Variants in ANKRD44 observed in about 807,000 individuals in gnomAD.
ANKRD44 encodes serine/threonine-protein phosphatase 6 regulatory ankyrin repeat subunit B.
Under a neutral mutation model 116.0 loss-of-function variants are expected in ANKRD44, and 35 were observed. That is an observed-to-expected ratio of 0.30 (90% CI 0.23 to 0.40). The LOEUF (loss-of-function observed/expected upper bound fraction) is 0.40. Among genes scored for constraint, ANKRD44 ranks in the 10% least tolerant of loss-of-function variants. ANKRD44 has a pLI of 1.00. For synonymous variants in ANKRD44, 435 were observed against 461.8 expected (o/e 0.94, Z 0.74); for missense variants, 1,014 against 1,242.6 (o/e 0.82, Z 2.77).
chr2:196,987,894 T>TA lies in ANKRD44; in HGVS notation c.*1696dup. ...AACATAATTTTATTTCTAAGAGATG[T>TA]AATTAAAATACAGAAATGATAGTTT... On this transcript the variant is annotated 3_prime_UTR_variant, in exon 28 of 28. Coordinates refer to ENST00000282272, the MANE Select transcript of ANKRD44 (RefSeq NM_001195144.2). The TA allele has an allele frequency of 3.1e-6, 3 of 982,774 alleles. No individual in the cohort carries two copies. Among genetic ancestry groups the TA allele is most frequent in the Non-Finnish European group, 3.6e-6 (3 of 827,538 alleles). 60.9% of individuals were successfully genotyped at this position (982,774 alleles called of 1,614,324 possible).
intron 1 of ANKRD44, among the ~76,000 whole-genome samples, chr2:197,281,554 G>A (rs116162142): frequency 1.4e-3 from 213 of 152,186 alleles, no homozygotes; most frequent in African/African-American, 4.9e-3. Flanking sequence ...TCCTTTTTGG[G>A]CCTGGTAATT....
At chr2:196,991,038 T>G (rs2075906115) in intron 27 of ANKRD44, 1 of 995,898 alleles carries the variant, frequency 1.0e-6, no homozygotes, top group Admixed American at 4.3e-5. Context: ...TATGTTGAGT[T>G]AGAAATCATG....
In ANKRD44 at chr2:197,036,596, T is replaced by G. The variant is rs938294754; in HGVS notation, c.1651-11329A>C. The stretch of plus-strand genomic sequence containing the variant: ...AGGAGGGTGCTACTGAAAGCTTAGC[T>G]ACATTAAGTTTCCGTTTCTTCTTGG... On this transcript the variant is annotated intron_variant, in intron 16 of 27. Transcript: ENST00000282272. Among the ~76,000 whole-genome samples, 7 of 152,308 alleles carry G rather than the reference T, an allele frequency of 4.6e-5. No homozygotes were observed. The Middle Eastern group carries it at 0.01, about 222-fold the overall frequency.
At chr2:197,087,478 G>A (rs1233765680) in intron 12 of ANKRD44, among the ~76,000 whole-genome samples, 1 of 152,168 alleles carries the variant, frequency 6.6e-6, no homozygotes, top group Non-Finnish European at 1.5e-5. Flanking sequence ...GTCACTTTCT[G>A]TACAGGTCTG....
intron 27 of ANKRD44, chr2:196,992,590 A>G (rs981629542): frequency 1.3e-5 from 2 of 152,618 alleles, no homozygotes; most frequent in African/African-American, 4.8e-5. Flanking sequence ...CTAAGTCTAC[A>G]GTAGTGTTAA....
intron 1 of ANKRD44, among the ~76,000 whole-genome samples, chr2:197,282,344 T>A (rs549188755): frequency 2.0e-4 from 30 of 152,172 alleles, no homozygotes; most frequent in African/African-American, 7.0e-4. Context: ...GGAGAAAGAT[T>A]AAAAGGCTTG....
At chr2:197,112,197 A>C (rs1269512482) in intron 8 of ANKRD44, among the ~76,000 whole-genome samples, 1 of 152,206 alleles carries the variant, frequency 6.6e-6, no homozygotes, top group African/African-American at 2.4e-5. Context: ...TGTAACACTT[A>C]TTTTTATAAG....
intron 17 of ANKRD44, 148 bp from the exon 18 acceptor site, chr2:197,013,860 T>A (rs7584406): frequency 0.88 from 623,670 of 706,480 alleles, 278,133 homozygotes; most frequent in East Asian, 0.97. Flanking sequence ...TTATTAAAAC[T>A]CAGGCAAGCT....
intron 1 of ANKRD44, among the ~76,000 whole-genome samples, chr2:197,236,213 TCTC>T (rs1032128705): frequency 5.9e-5 from 9 of 152,150 alleles, no homozygotes; most frequent in South Asian, 2.1e-4. Flanking sequence ...TGAAAGCACT[TCTC>T]CTCTCCTGCA....
chr2:197,020,277 A>G (rs1195761234), intron 17 of ANKRD44, among the ~76,000 whole-genome samples: 1 of 152,176 alleles, frequency 6.6e-6, no homozygotes, highest in African/African-American at 2.4e-5. Flanking sequence ...ACCTAATACT[A>G]AAATCAAATG....
At chr2:196,979,519 A>T (rs2075784629) in intron 21 of ANKRD44, among the ~76,000 whole-genome samples, 1 of 148,768 alleles carries the variant, frequency 6.7e-6, no homozygotes, top group Non-Finnish European at 1.5e-5. Context: ...TATTCACCCC[A>T]ATTAAAAAGC....
In ANKRD44 at chr2:197,083,495, T is replaced by C. The variant is rs1307202694; in HGVS notation, c.1331A>G (p.Tyr444Cys). The C allele has an allele frequency of 6.2e-7, 1 of 1,613,326 alleles. No individual in the cohort carries two copies. Among genetic ancestry groups the C allele is most frequent in the Non-Finnish European group, 8.5e-7 (1 of 1,179,638 alleles). The change falls in exon 14 of 28, where the codon TAT (tyrosine) becomes TGT (cysteine). Residue 444 changes from tyrosine to cysteine, a missense_variant. Coordinates refer to ENST00000282272, the MANE Select transcript of ANKRD44 (RefSeq NM_001195144.2). Reference protein sequence around the residue: ...KDKCGRTPLHYAAANCHFHCI... With the variant: ...KDKCGRTPLHCAAANCHFHCI... ...GTGGAAATGACAATTCGCAGCTGCA[T>C]AGTGCAAAGGGGTCCTGAAAAACAA...
In ANKRD44 at chr2:197,109,338, G is replaced by T. The variant is rs187767744; in HGVS notation, c.985+1428C>A. Among the ~76,000 whole-genome samples, 516 of 152,282 alleles carry T rather than the reference G, an allele frequency of 3.4e-3. 1 individual carries two copies. The highest frequency in any genetic ancestry group is 5.8e-3 in the Non-Finnish European group (396 of 68,022). ...AACACGGTGGCCTTTTCAATAAAAT[G>T]AATGTCAAAGGCATAGCACATATTT... On this transcript the variant is annotated intron_variant, in intron 9 of 27. Transcript: ENST00000282272.
chr2:197,104,462 G>A (rs762182984), intron 9 of ANKRD44, among the ~76,000 whole-genome samples: 4 of 152,092 alleles, frequency 2.6e-5, no homozygotes, highest in Non-Finnish European at 5.9e-5. Flanking sequence ...TAAAAGTATG[G>A]AGACCCTTGA....
At position 197,209,155 on chromosome 2, in the gene ANKRD44, T is replaced by G. The variant is rs16863199; in HGVS notation, c.28-22049A>C. Reference sequence around the variant, plus strand: ...AAAAGACAAGACGTTCTGAGTAGTTTCTTCGAATAGACCAAATCCTGATGC... The same window carrying G: ...AAAAGACAAGACGTTCTGAGTAGTTGCTTCGAATAGACCAAATCCTGATGC... On this transcript the variant is annotated intron_variant, in intron 1 of 27. Transcript: ENST00000282272. 5.8e-4 allele frequency among the ~76,000 whole-genome samples: 89 copies of G among 152,364 alleles called. 1 individual carries two copies. In the East Asian group the frequency reaches 0.012, roughly 21 times the overall value.
intron 16 of ANKRD44, among the ~76,000 whole-genome samples, chr2:197,040,136 G>A (rs1246726014): frequency 6.7e-6 from 1 of 149,820 alleles, no homozygotes; most frequent in Non-Finnish European, 1.5e-5. Context: ...CTACTCAGGA[G>A]GCTGAGGCAG....
At chr2:197,040,074 A>C (rs1026367967) in intron 16 of ANKRD44, among the ~76,000 whole-genome samples, 7 of 151,906 alleles carry the variant, frequency 4.6e-5, no homozygotes, top group Admixed American at 1.3e-4. Flanking sequence ...TAAAAATACA[A>C]CTAAAAATAC....
At chr2:197,039,469 T>C (rs2076866860) in intron 16 of ANKRD44, among the ~76,000 whole-genome samples, 1 of 152,242 alleles carries the variant, frequency 6.6e-6, no homozygotes, top group African/African-American at 2.4e-5. Context: ...ATACTTCGGC[T>C]ACTCCCTTGA....
At chr2:196,996,020 A>G (rs2076005612) in intron 25 of ANKRD44, among the ~76,000 whole-genome samples, 1 of 152,344 alleles carries the variant, frequency 6.6e-6, no homozygotes, top group Non-Finnish European at 1.5e-5. Context: ...TTATGAAGAT[A>G]GATGGTTAAT....
Sources: allele counts gnomAD v4.1 joint callset (sites outside exome capture counted in the v4.1 genomes callset), GRCh38; gene constraint gnomAD v4.1.1; transcripts MANE v1.5; gene names NCBI Gene and HGNC (gene_info 2026-07-23, HGNC 2026-07-21).